DMD: variants seen among roughly 807,000 people sequenced by gnomAD.
DMD encodes the protein mutant dystrophin.
DMD carries 63 observed loss-of-function variants against 330.1 expected under a neutral mutation model. The ratio of observed to expected loss-of-function variants is 0.19; its 90% CI spans 0.16 to 0.24. DMD has a LOEUF of 0.24. DMD is among the 10% of genes least tolerant of loss of function. The pLI is 1.00. For synonymous variants in DMD, 1,223 were observed against 959.8 expected (o/e 1.27, Z -5.07); for missense variants, 3,344 against 2,684.1 (o/e 1.25, Z -5.43).
At chrX:31,607,157 G>A (rs1041554716) in intron 55 of DMD, among the ~76,000 whole-genome samples, 2 of 111,619 alleles carry the variant, frequency 1.8e-5, no homozygotes, top group Admixed American at 9.5e-5. Flanking sequence ...TTTCTTTAAG[G>A]CATCACTCAA....
intron 29 of DMD, among the ~76,000 whole-genome samples, chrX:32,421,867 C>G (rs944335386): frequency 9.0e-6 from 1 of 111,731 alleles, no homozygotes; most frequent in Non-Finnish European, 1.9e-5. Context: ...CCATGCAGGA[C>G]TGCTTAGCAT....
intron 18 of DMD, among the ~76,000 whole-genome samples, chrX:32,514,935 G>T (rs2045710757): frequency 8.9e-6 from 1 of 111,953 alleles, no homozygotes; most frequent in African/African-American, 3.3e-5. Flanking sequence ...TACTAACCTA[G>T]TGCCAAAGTC....
intron 1 of DMD, among the ~76,000 whole-genome samples, chrX:33,271,635 G>A (rs1312616574): frequency 5.6e-5 from 6 of 107,493 alleles, no homozygotes; most frequent in African/African-American, 1.0e-4. Flanking sequence ...GGTGTGTGGC[G>A]GGTGCCTGTA....
At chrX:32,731,970 C>G in intron 7 of DMD, among the ~76,000 whole-genome samples, 1 of 111,356 alleles carries the variant, frequency 9.0e-6, no homozygotes, top group South Asian at 3.8e-4. Flanking sequence ...CTCTGAGCTA[C>G]GGGAGGACAT....
chrX:33,064,631 G>A (rs2094625933), intron 1 of DMD, among the ~76,000 whole-genome samples: 1 of 112,005 alleles, frequency 8.9e-6, no homozygotes, highest in African/African-American at 3.2e-5. Context: ...GCTCATGCCT[G>A]TAATCCCAAC....
intron 44 of DMD, among the ~76,000 whole-genome samples, chrX:32,041,814 C>T (rs1439893704): frequency 9.2e-6 from 1 of 108,261 alleles, no homozygotes; most frequent in Non-Finnish European, 1.9e-5. Flanking sequence ...TTGAATTAGG[C>T]ATAATTAGAT....
chrX:31,291,078 T>G lies in DMD; in HGVS notation c.9225-30062A>C, dbSNP rs759585133. On this transcript the variant is annotated intron_variant, in intron 62 of 78. Coordinates refer to ENST00000357033, the MANE Select transcript of DMD (RefSeq NM_004006.3). ...GGTAAATTAAATGACAAATTCATAT[T>G]TAAGTGTAAATTAAATAAATGTCAA... Among the ~76,000 whole-genome samples, 3 of 112,359 alleles carry G rather than the reference T, an allele frequency of 2.7e-5. No homozygotes were observed. The South Asian group carries it at 1.1e-3, about 41-fold the overall frequency.
chrX:33,253,724 G>C (rs1321459357), intron 1 of DMD, among the ~76,000 whole-genome samples: 1 of 110,870 alleles, frequency 9.0e-6, no homozygotes, highest in Non-Finnish European at 1.9e-5. Flanking sequence ...AGGTATAAGC[G>C]GTTATGAAGT....
intron 54 of DMD, among the ~76,000 whole-genome samples, chrX:31,631,801 C>A (rs913748828): frequency 1.8e-5 from 2 of 111,915 alleles, no homozygotes; most frequent in African/African-American, 6.5e-5. Flanking sequence ...CCAAAGGGAA[C>A]AAGATGGAGG....
At chrX:31,357,359 C>A (rs2058726769) in intron 60 of DMD, among the ~76,000 whole-genome samples, 1 of 101,482 alleles carries the variant, frequency 9.9e-6, no homozygotes, top group Non-Finnish European at 2.0e-5. Context: ...AGTGAGATAC[C>A]ATAGAACTGG....
rs997424416 is a variant in DMD at position 31,177,253 on chromosome X, C to A, written c.10262+679G>T. On this transcript the variant is annotated intron_variant, in intron 71 of 78. Transcript: ENST00000357033. Reference sequence around the variant, plus strand: ...ATCTAAGCTCAGTATTATTAATACACACCAATAGTAATAACAAAGAAATAC... The same window carrying A: ...ATCTAAGCTCAGTATTATTAATACAAACCAATAGTAATAACAAAGAAATAC... Among the ~76,000 whole-genome samples the A allele has an allele frequency of 2.7e-5, 3 of 111,447 alleles. No homozygotes were observed. The Admixed American group carries it at 2.9e-4, about 11-fold the overall frequency.
At chrX:32,717,123 T>G (rs939633716) in intron 7 of DMD, among the ~76,000 whole-genome samples, 2 of 111,255 alleles carry the variant, frequency 1.8e-5, no homozygotes, top group African/African-American at 3.3e-5. Flanking sequence ...ATTCAAGCTG[T>G]CTGCGGAAAT....
At chrX:31,900,264 A>T in intron 47 of DMD, among the ~76,000 whole-genome samples, 1 of 111,148 alleles carries the variant, frequency 9.0e-6, no homozygotes, top group Middle Eastern at 4.6e-3. Context: ...CTGTGTCTCC[A>T]CCCAAATCTC....
chrX:32,751,044 C>G lies in DMD; in HGVS notation c.650-51751G>C, dbSNP rs151018925. ...TACGTGGAACTCTAAGTCCATTAAA[C>G]TCTTTTTCCTGTATAAATTATCCAT... On this transcript the variant is annotated intron_variant, in intron 7 of 78. Transcript: ENST00000357033. Among the ~76,000 whole-genome samples the G allele has an allele frequency of 6.4e-3, 715 of 111,849 alleles. 8 individuals are homozygous for G. Among genetic ancestry groups the G allele is most frequent in the African/African-American group, 0.022 (687 of 30,772 alleles).
intron 59 of DMD, among the ~76,000 whole-genome samples, chrX:31,475,523 G>A (rs1413659047): frequency 8.9e-6 from 1 of 111,942 alleles, no homozygotes; most frequent in Non-Finnish European, 1.9e-5. Context: ...CAATTTAATT[G>A]ACATATTAAC....
chrX:31,338,720 G>T (rs1447302565), intron 61 of DMD, among the ~76,000 whole-genome samples: 2 of 110,356 alleles, frequency 1.8e-5, no homozygotes, highest in Non-Finnish European at 3.8e-5. Context: ...CAACTATCTT[G>T]GTTTGCCTGG....
At chrX:32,650,861 G>A (rs2060103513) in intron 9 of DMD, among the ~76,000 whole-genome samples, 1 of 111,911 alleles carries the variant, frequency 8.9e-6, no homozygotes, top group Admixed American at 9.5e-5. Context: ...TATTTATTGA[G>A]TACTTAGTGT....
chrX:32,407,400 G>C (rs1048037575), intron 30 of DMD, among the ~76,000 whole-genome samples: 1 of 111,869 alleles, frequency 8.9e-6, no homozygotes, highest in Non-Finnish European at 1.9e-5. Context: ...GGCCATCAGA[G>C]AAATGCAAAT....
intron 7 of DMD, among the ~76,000 whole-genome samples, chrX:32,712,818 T>C (rs1186929344): frequency 8.9e-6 from 1 of 111,845 alleles, no homozygotes; most frequent in African/African-American, 3.2e-5. Flanking sequence ...AATTTGTCGG[T>C]ATTTTACAGC....
Sources: allele counts gnomAD v4.1 joint callset (sites outside exome capture counted in the v4.1 genomes callset), GRCh38; gene constraint gnomAD v4.1.1; transcripts MANE v1.5; gene names NCBI Gene and HGNC (gene_info 2026-07-23, HGNC 2026-07-21).